The following RGS17 variants were observed in gnomAD, a reference collection of about 807,000 sequenced individuals.
RGS17 encodes the protein regulator of G-protein signaling 17.
A neutral mutation model predicts 25.5 loss-of-function variants in RGS17; 12 were observed. The ratio of observed to expected loss-of-function variants is 0.47; its 90% CI spans 0.30 to 0.76. RGS17 has a LOEUF of 0.76. RGS17 is among the 30% of genes least tolerant of loss of function. The pLI, the probability that RGS17 is intolerant of heterozygous loss-of-function variation, is 0.07. For synonymous variants in RGS17, 71 were observed against 76.9 expected (o/e 0.92, Z 0.40); for missense variants, 196 against 242.2 (o/e 0.81, Z 1.27).
intron 1 of RGS17, among the ~76,000 whole-genome samples, chr6:153,085,072 A>G (rs1158884647): frequency 2.0e-5 from 3 of 152,148 alleles, no homozygotes; most frequent in African/African-American, 7.2e-5. Flanking sequence ...TCTCTCTTAT[A>G]TGTACTTTTC....
intron 1 of RGS17, among the ~76,000 whole-genome samples, chr6:153,078,090 T>C (rs1053624075): frequency 6.6e-6 from 1 of 152,134 alleles, no homozygotes; most frequent in African/African-American, 2.4e-5. Context: ...GCCAGGCTGG[T>C]CTCGAACTCC....
At chr6:153,029,731 C>T in intron 2 of RGS17, among the ~76,000 whole-genome samples, 1 of 152,072 alleles carries the variant, frequency 6.6e-6, no homozygotes, top group Non-Finnish European at 1.5e-5. Context: ...GCTGGGATTA[C>T]AGGCACCCGC....
chr6:153,027,629 C>T (rs1200880375), intron 2 of RGS17, among the ~76,000 whole-genome samples: 1 of 152,120 alleles, frequency 6.6e-6, no homozygotes, highest in Non-Finnish European at 1.5e-5. Flanking sequence ...CATTCTTTTA[C>T]CATTAATATT....
At chr6:153,088,764 A>T (rs1302720225) in intron 1 of RGS17, among the ~76,000 whole-genome samples, 1 of 152,080 alleles carries the variant, frequency 6.6e-6, no homozygotes, top group African/African-American at 2.4e-5. Flanking sequence ...AGTGTGGCAT[A>T]CTGGAAGTAA....
At chr6:153,070,874 C>A (rs1776787031) in intron 1 of RGS17, among the ~76,000 whole-genome samples, 1 of 149,456 alleles carries the variant, frequency 6.7e-6, no homozygotes, top group South Asian at 2.1e-4. Context: ...CATGCATATG[C>A]CCATATACGC....
chr6:153,118,752 A>G (rs2129126529), intron 1 of RGS17, among the ~76,000 whole-genome samples: 1 of 143,050 alleles, frequency 7.0e-6, no homozygotes, highest in African/African-American at 2.6e-5. Context: ...GCTTTTAACA[A>G]TCACAAGTAA....
intron 1 of RGS17, among the ~76,000 whole-genome samples, chr6:153,070,966 C>T (rs943676170): frequency 6.7e-6 from 1 of 148,504 alleles, no homozygotes; most frequent in African/African-American, 2.5e-5. Context: ...TGTATATACA[C>T]GTGTATATGT....
chr6:153,054,087 ATT>A (rs200350990), intron 1 of RGS17, among the ~76,000 whole-genome samples: 19,180 of 38,906 alleles, frequency 0.49, 4,512 homozygotes, highest in African/African-American at 0.58. Context: ...TACACACAAT[ATT>A]TTTTATATAT....
chr6:153,120,129 T>TA (rs1388907592), intron 1 of RGS17, among the ~76,000 whole-genome samples: 7 of 152,204 alleles, frequency 4.6e-5, no homozygotes, highest in Non-Finnish European at 8.8e-5. Context: ...GAATAGAACG[T>TA]AACGATTGCC....
intron 1 of RGS17, among the ~76,000 whole-genome samples, chr6:153,097,527 C>T (rs965396886): frequency 2.0e-5 from 3 of 151,698 alleles, no homozygotes; most frequent in African/African-American, 7.3e-5. Context: ...AATTTTAGGT[C>T]CTTTGTGCAG....
intron 1 of RGS17, among the ~76,000 whole-genome samples, chr6:153,110,696 C>T (rs952811520): frequency 1.8e-4 from 28 of 152,160 alleles, no homozygotes; most frequent in African/African-American, 5.5e-4. Flanking sequence ...GTGAGATCAA[C>T]GCAGAAGGCA....
intron 1 of RGS17, among the ~76,000 whole-genome samples, chr6:153,080,006 G>A (rs566494269): frequency 1.3e-5 from 2 of 151,960 alleles, no homozygotes; most frequent in South Asian, 2.1e-4. Flanking sequence ...TTTTTTAGAC[G>A]GAGTCTTGCT....
chr6:153,070,863 A>G lies in RGS17; in HGVS notation c.-25-26820T>C, dbSNP rs148991743. Reference sequence around the variant, plus strand: ...TATACATATACACAATACATATATAACATGCATATGCCCATATACGCATAT... The same window carrying G: ...TATACATATACACAATACATATATAGCATGCATATGCCCATATACGCATAT... On this transcript the variant is annotated intron_variant, in intron 1 of 4. Coordinates refer to ENST00000206262, the MANE Select transcript of RGS17 (RefSeq NM_012419.5). Among the ~76,000 whole-genome samples, 88 of 150,452 alleles carry G rather than the reference A, an allele frequency of 5.8e-4. No individual in the cohort carries two copies. The East Asian group carries it at 0.012, about 21-fold the overall frequency.
intron 1 of RGS17, among the ~76,000 whole-genome samples, chr6:153,123,599 T>C (rs1777667859): frequency 6.6e-6 from 1 of 152,204 alleles, no homozygotes; most frequent in Admixed American, 6.5e-5. Flanking sequence ...TGGTTTTCTT[T>C]CTCAAACTTA....
intron 1 of RGS17, among the ~76,000 whole-genome samples, chr6:153,081,102 A>C (rs1169167449): frequency 6.6e-6 from 1 of 152,098 alleles, no homozygotes; most frequent in Non-Finnish European, 1.5e-5. Context: ...GTGTTTTATA[A>C]ATTTCAATTA....
At chr6:153,111,925 G>A (rs767667100) in intron 1 of RGS17, among the ~76,000 whole-genome samples, 7 of 152,108 alleles carry the variant, frequency 4.6e-5, no homozygotes, top group South Asian at 4.1e-4. Flanking sequence ...AACCCCATCC[G>A]AAGGTCACCA....
intron 1 of RGS17, among the ~76,000 whole-genome samples, chr6:153,065,794 G>A (rs1309216490): frequency 6.6e-6 from 1 of 152,044 alleles, no homozygotes; most frequent in African/African-American, 2.4e-5. Context: ...TACTAAGAGT[G>A]AACTTTATAG....
At chr6:153,025,330 T>C (rs914575811) in intron 3 of RGS17, among the ~76,000 whole-genome samples, 6 of 152,016 alleles carry the variant, frequency 3.9e-5, no homozygotes, top group African/African-American at 1.2e-4. Context: ...AAAAAGGTTT[T>C]TTTCCTACGA....
chr6:153,009,117 G>A lies in RGS17; in HGVS notation c.*2457C>T, dbSNP rs1390633691. 1.3e-5 allele frequency: 2 copies of A among 151,940 alleles called. No homozygotes were observed. The highest frequency in any genetic ancestry group is 2.4e-5 in the African/African-American group (1 of 41,336). 9.4% of individuals were successfully genotyped at this position (151,940 alleles called of 1,614,324 possible). A position where few individuals can be genotyped will look rare whatever the true frequency, so the allele number is the denominator to read the frequency against. ...GTTAGAGATTAGGACTCTTTATAACGGCCCTTATCTTTTACATTTGGTAAA... is the reference window on the plus strand; with the variant it reads ...GTTAGAGATTAGGACTCTTTATAACAGCCCTTATCTTTTACATTTGGTAAA... On this transcript the variant is annotated 3_prime_UTR_variant, in exon 5 of 5. Coordinates refer to ENST00000206262, the MANE Select transcript of RGS17 (RefSeq NM_012419.5).
Sources: gnomAD v4.1 joint callset for allele counts (sites outside exome capture counted in the v4.1 genomes callset) on GRCh38, gnomAD v4.1.1 for gene constraint, MANE v1.5 for transcripts, NCBI Gene and HGNC (gene_info 2026-07-23, HGNC 2026-07-21) for gene names.